NNT: variants seen among roughly 807,000 people sequenced by gnomAD.
NNT encodes the protein NAD(P) transhydrogenase, mitochondrial.
Under a neutral mutation model 104.8 loss-of-function variants are expected in NNT, and 50 were observed. That is an observed-to-expected ratio of 0.48 (90% CI 0.38 to 0.60). NNT has a LOEUF of 0.60. NNT is among the 20% of genes least tolerant of loss of function. The probability of loss-of-function intolerance (pLI) is 0.00; values close to 1 mark genes in which losing one functional copy is unlikely to be tolerated. For synonymous variants in NNT, 461 were observed against 490.4 expected, an observed-to-expected ratio of 0.94 and a Z score of 0.79; for missense variants, 1,131 against 1,330.7, an observed-to-expected ratio of 0.85 and a Z score of 2.33.
chr5:43,637,621 A>T (rs1751004155), intron 7 of NNT, among the ~76,000 whole-genome samples: 1 of 152,080 alleles, frequency 6.6e-6, no homozygotes. Context: ...AGTTGGCTTC[A>T]TCCTCAGTGC....
intron 7 of NNT, among the ~76,000 whole-genome samples, chr5:43,636,599 C>T (rs556534592): frequency 3.3e-4 from 50 of 152,188 alleles, no homozygotes; most frequent in Non-Finnish European, 6.0e-4. Flanking sequence ...CATCAGAATG[C>T]GTAATACAAT....
intron 6 of NNT, among the ~76,000 whole-genome samples, chr5:43,624,535 C>T (rs1306588883): frequency 6.6e-6 from 1 of 152,162 alleles, no homozygotes; most frequent in African/African-American, 2.4e-5. Flanking sequence ...GGCACTTCAC[C>T]TGACTAGCAA....
chr5:43,649,478 T>A (rs1739638284), intron 11 of NNT, among the ~76,000 whole-genome samples, 170 bp downstream of exon 11: 2 of 152,188 alleles, frequency 1.3e-5, no homozygotes, highest in South Asian at 4.1e-4. Flanking sequence ...GTATGGGATA[T>A]GGGCCTGCAG....
intron 19 of NNT, among the ~76,000 whole-genome samples, chr5:43,686,691 A>G (rs1273715149): frequency 6.6e-6 from 1 of 152,136 alleles, no homozygotes; most frequent in Non-Finnish European, 1.5e-5. Context: ...ATGAACATTT[A>G]TATTATTATA....
At chr5:43,615,623 G>T (rs1484032221) in intron 3 of NNT, among the ~76,000 whole-genome samples, 1 of 152,186 alleles carries the variant, frequency 6.6e-6, no homozygotes, top group Non-Finnish European at 1.5e-5. Context: ...TCCCAGGTGT[G>T]TGTGCCCTTT....
intron 7 of NNT, among the ~76,000 whole-genome samples, chr5:43,641,672 C>A (rs1361869486): frequency 6.6e-6 from 1 of 152,010 alleles, no homozygotes; most frequent in Non-Finnish European, 1.5e-5. Flanking sequence ...TATAATAATT[C>A]CATGTCTTTA....
chr5:43,618,967 A>T lies in NNT; in HGVS notation c.600-65A>T, dbSNP rs1013917633. 5.4e-6 allele frequency: 5 copies of T among 918,374 alleles called. No individual in the cohort carries two copies. The African/African-American group carries it at 8.6e-5, about 16-fold the overall frequency. The allele number at this position is 918,374 out of a possible 1,614,324, so 56.9% of individuals were successfully genotyped here. ...AAAACTTCATTGATGACTTATGATGATATGTGAGTCTGAGATCTCTCCTTT... is the reference window on the plus strand; with the variant it reads ...AAAACTTCATTGATGACTTATGATGTTATGTGAGTCTGAGATCTCTCCTTT... On this transcript the variant is annotated intron_variant, in intron 4 of 21. Transcript: ENST00000344920.
Position 43,650,506 on chromosome 5 carries a change from A to G in NNT, c.1636A>G (p.Met546Val), listed in dbSNP as rs760351987. 6.2e-7 allele frequency: 1 copy of G among 1,613,976 alleles called. No homozygotes were observed. Among genetic ancestry groups the G allele is most frequent in the Non-Finnish European group, 8.5e-7 (1 of 1,180,004 alleles). The part of the protein sequence containing the change: ...GLTAVGGLAL[M>V]GGHLYPSTTS... The stretch of plus-strand genomic sequence containing the variant: ...GACTGCAGTTGGTGGGTTGGCACTG[A>G]TGGGAGGACATTTGTATCCTTCCAC... Residue 546 changes from methionine to valine, a missense_variant, in exon 12 of 22, where the codon ATG becomes GTG. Coordinates refer to ENST00000344920, the MANE Select transcript of NNT (RefSeq NM_182977.3).
At chr5:43,648,712 G>A (rs1444158018) in intron 10 of NNT, among the ~76,000 whole-genome samples, 2 of 152,118 alleles carry the variant, frequency 1.3e-5, no homozygotes, top group Non-Finnish European at 2.9e-5. Flanking sequence ...ACATAAAATT[G>A]CCTTCATAAA....
At position 43,682,490 on chromosome 5, in the gene NNT, C is replaced by A. The variant is rs540052842; in HGVS notation, c.2876+4684C>A. The stretch of plus-strand genomic sequence containing the variant: ...CTTCCCAGAGTGCTGGGATTACAGG[C>A]GTGAGCCACCACACTCAGGCAGGAT... On this transcript the variant is annotated intron_variant, in intron 19 of 21. Coordinates refer to ENST00000344920, the MANE Select transcript of NNT (RefSeq NM_182977.3). Among the ~76,000 whole-genome samples, 3 of 152,254 alleles carry A rather than the reference C, an allele frequency of 2.0e-5. No homozygotes were observed. The East Asian group carries it at 5.8e-4, about 29-fold the overall frequency.
chr5:43,704,624 A>G lies in NNT; in HGVS notation c.*220A>G. On this transcript the variant is annotated 3_prime_UTR_variant, in exon 22 of 22. Transcript: ENST00000344920. ...GAAAATTCTAAATGTCTTTCTGTGC[A>G]TATTTTTTGTGTTAGGAATCAAAAG... 2.3e-6 allele frequency: 1 copy of G among 438,224 alleles called. No individual in the cohort carries two copies. The highest frequency in any genetic ancestry group is 4.0e-6 in the Non-Finnish European group (1 of 250,158). The allele number at this position is 438,224 out of a possible 1,614,324, so 27.1% of individuals were successfully genotyped here. A position where few individuals can be genotyped will look rare whatever the true frequency, so the allele number is the denominator to read the frequency against.
At chr5:43,639,239 G>A (rs1751095036) in intron 7 of NNT, among the ~76,000 whole-genome samples, 1 of 152,054 alleles carries the variant, frequency 6.6e-6, no homozygotes, top group African/African-American at 2.4e-5. Flanking sequence ...TTGCATCTTA[G>A]TATTCATTTA....
intron 19 of NNT, among the ~76,000 whole-genome samples, chr5:43,698,188 G>C (rs2112236253): frequency 6.6e-6 from 1 of 151,436 alleles, no homozygotes; most frequent in East Asian, 1.9e-4. Context: ...TATTAAGACT[G>C]AATATATTAA....
rs569254928 is a variant in NNT, at chr5:43,705,709, A to G, written c.*1305A>G. On this transcript the variant is annotated 3_prime_UTR_variant, in exon 22 of 22. Transcript: ENST00000344920. ...CTCGCGTTTAGTGAGTTTAAAACAC[A>G]CAGTATCTTTTGGTTTTATAATCAG... 2.0e-5 allele frequency: 3 copies of G among 152,070 alleles called. No individual in the cohort carries two copies. The highest frequency in any genetic ancestry group is 4.8e-5 in the African/African-American group (2 of 41,412). The allele number at this position is 152,070 out of a possible 1,614,324, so 9.4% of individuals were successfully genotyped here.
rs111477994 is a variant in NNT, at chr5:43,616,056, A to G, written c.590A>G (p.Asn197Ser). The G allele has an allele frequency of 6.2e-7, 1 of 1,613,480 alleles. No individual in the cohort carries two copies. The highest frequency in any genetic ancestry group is 8.5e-7 in the Non-Finnish European group (1 of 1,179,750). The change falls in exon 4 of 22, where the codon AAC becomes AGC. Residue 197 changes from asparagine (N) to serine (S), a missense_variant. Physicochemically the swap from Asn to Ser is conservative, Grantham distance 46 (BLOSUM62 1). Coordinates refer to ENST00000344920, the MANE Select transcript of NNT (RefSeq NM_182977.3). ...QGYDALSSMA[N>S]IAGYKAVVLA... ...TATGATGCGCTAAGCTCCATGGCCA[A>G]CATTGCGGGGTAGGTTCTTTTCCAT...
intron 17 of NNT, among the ~76,000 whole-genome samples, chr5:43,660,060 G>A (rs184063697): frequency 3.5e-4 from 53 of 152,128 alleles, no homozygotes; most frequent in Admixed American, 1.9e-3. Context: ...AGACTTTATC[G>A]TGATCCATCA....
chr5:43,694,056 T>A (rs1742428974), intron 19 of NNT, among the ~76,000 whole-genome samples: 1 of 152,234 alleles, frequency 6.6e-6, no homozygotes, highest in Non-Finnish European at 1.5e-5. Flanking sequence ...TGGAATTTTG[T>A]AATGTTCCTG....
intron 7 of NNT, among the ~76,000 whole-genome samples, chr5:43,640,724 T>C (rs1041849392): frequency 6.6e-6 from 1 of 151,590 alleles, no homozygotes; most frequent in Non-Finnish European, 1.5e-5. Context: ...CACTTATCTA[T>C]AGGATTATAG....
chr5:43,656,217 G>C, intron 15 of NNT, 144 bp downstream of exon 15: 1 of 692,788 alleles, frequency 1.4e-6, no homozygotes, highest in Non-Finnish European at 2.4e-6. Flanking sequence ...TGAGGTGGGA[G>C]GCTCTCAAGC....
Sources: gnomAD v4.1 joint callset for allele counts (sites outside exome capture counted in the v4.1 genomes callset) on GRCh38, gnomAD v4.1.1 for gene constraint, MANE v1.5 for transcripts, NCBI Gene and HGNC (gene_info 2026-07-23, HGNC 2026-07-21) for gene names.